RBMS1: variants seen among roughly 807,000 people sequenced by gnomAD.
The protein encoded by RBMS1 is RNA-binding motif, single-stranded-interacting protein 1.
Under a neutral mutation model 62.3 loss-of-function variants are expected in RBMS1, and 17 were observed. That is an observed-to-expected ratio of 0.27 (90% CI 0.19 to 0.41). The LOEUF is 0.41. Among genes scored for constraint, RBMS1 ranks in the 10% least tolerant of loss-of-function variants. RBMS1 has a pLI of 1.00. For synonymous variants in RBMS1, 172 were observed against 170.0 expected (o/e 1.01, Z -0.09); for missense variants, 334 against 504.5 (o/e 0.66, Z 3.24).
intron 1 of RBMS1, among the ~76,000 whole-genome samples, chr2:160,368,962 A>G (rs1693574411): frequency 6.6e-6 from 1 of 151,778 alleles, no homozygotes; most frequent in Non-Finnish European, 1.5e-5. Context: ...ATATGTTACC[A>G]TTTTTTCTGG....
At chr2:160,480,910 C>T (rs1292021233) in intron 1 of RBMS1, among the ~76,000 whole-genome samples, 2 of 151,852 alleles carry the variant, frequency 1.3e-5, no homozygotes, top group Non-Finnish European at 2.9e-5. Flanking sequence ...GAAACCCCAT[C>T]TCTACTAAAA....
intron 1 of RBMS1, among the ~76,000 whole-genome samples, chr2:160,460,393 G>A (rs1372819262): frequency 6.6e-6 from 1 of 152,136 alleles, no homozygotes; most frequent in Non-Finnish European, 1.5e-5. Flanking sequence ...ATTTAATCCT[G>A]GCAACAGCTC....
chr2:160,439,955 T>A (rs547287714), intron 1 of RBMS1, among the ~76,000 whole-genome samples: 4,932 of 151,598 alleles, frequency 0.033, 367 homozygotes, highest in Admixed American at 0.19. Flanking sequence ...CTCGGCAAGC[T>A]GAGGCAGGAG....
chr2:160,472,872 C>G (rs1684976873), intron 1 of RBMS1, among the ~76,000 whole-genome samples: 1 of 152,142 alleles, frequency 6.6e-6, no homozygotes. Context: ...GATAGAATTA[C>G]AAATGAATGT....
intron 2 of RBMS1, among the ~76,000 whole-genome samples, chr2:160,329,254 A>C (rs1192808632): frequency 2.6e-5 from 4 of 152,214 alleles, no homozygotes; most frequent in Non-Finnish European, 4.4e-5. Context: ...ATTTGGGGAT[A>C]GGATATAAAC....
At chr2:160,390,003 G>A (rs941477160) in intron 1 of RBMS1, among the ~76,000 whole-genome samples, 86 of 152,242 alleles carry the variant, frequency 5.6e-4, no homozygotes, top group African/African-American at 2.0e-3. Flanking sequence ...TTACAGAATT[G>A]CAGCTCTGTA....
At chr2:160,390,715 G>T (rs935686038) in intron 1 of RBMS1, among the ~76,000 whole-genome samples, 2 of 144,018 alleles carry the variant, frequency 1.4e-5, no homozygotes, top group African/African-American at 5.1e-5. Flanking sequence ...AAAAAGCAAC[G>T]AGGAACTTTT....
intron 2 of RBMS1, among the ~76,000 whole-genome samples, chr2:160,330,048 T>C (rs1402868920): frequency 1.3e-5 from 2 of 152,302 alleles, no homozygotes; most frequent in East Asian, 3.9e-4. Flanking sequence ...ACCTTAATTT[T>C]AGACTTGTAA....
chr2:160,440,259 G>C (rs1419888662), intron 1 of RBMS1, among the ~76,000 whole-genome samples: 2 of 151,946 alleles, frequency 1.3e-5, no homozygotes, highest in Non-Finnish European at 2.9e-5. Flanking sequence ...TCTCCATTAG[G>C]AAGCCTGACC....
At chr2:160,341,721 G>A (rs1691885128) in intron 2 of RBMS1, among the ~76,000 whole-genome samples, 1 of 152,114 alleles carries the variant, frequency 6.6e-6, no homozygotes, top group Admixed American at 6.6e-5. Flanking sequence ...GCTACCATCT[G>A]TTTTATGTTT....
intron 1 of RBMS1, chr2:160,492,896 C>T: frequency 5.5e-6 from 1 of 183,210 alleles, no homozygotes; most frequent in Non-Finnish European, 1.1e-5. Flanking sequence ...CAGGGCGAGG[C>T]CCTTGGAGAA....
At chr2:160,424,716 A>G (rs891067686) in intron 1 of RBMS1, among the ~76,000 whole-genome samples, 1 of 152,222 alleles carries the variant, frequency 6.6e-6, no homozygotes, top group African/African-American at 2.4e-5. Flanking sequence ...ATTCACTCAC[A>G]AATGACTATA....
At chr2:160,457,511 T>C (rs551025660) in intron 1 of RBMS1, among the ~76,000 whole-genome samples, 3 of 152,370 alleles carry the variant, frequency 2.0e-5, no homozygotes, top group African/African-American at 7.2e-5. Flanking sequence ...TTCTGATTCA[T>C]GTTTCACTGC....
intron 4 of RBMS1, among the ~76,000 whole-genome samples, chr2:160,310,713 TA>T (rs75254194): frequency 0.35 from 53,240 of 151,882 alleles, 9,603 homozygotes; most frequent in East Asian, 0.53. Context: ...GAGTGTGCCC[TA>T]AAAGTCCTGC....
chr2:160,309,189 CTG>C (rs570280105), intron 4 of RBMS1, among the ~76,000 whole-genome samples: 8 of 152,166 alleles, frequency 5.3e-5, no homozygotes, highest in Non-Finnish European at 1.0e-4. Flanking sequence ...ACTGGGGAGA[CTG>C]AGAGTGAGCA....
chr2:160,493,623 A>T lies in RBMS1; in HGVS notation c.-260T>A. On this transcript the variant is annotated 5_prime_UTR_variant, in exon 1 of 14. Transcript: ENST00000348849. ...CAGAAAGAAAGACACTGCAGAGCGCAGAGGGCACCCCGGACAGGGCGCTCC... is the reference window on the plus strand; with the variant it reads ...CAGAAAGAAAGACACTGCAGAGCGCTGAGGGCACCCCGGACAGGGCGCTCC... 1 of 554,124 alleles carries T rather than the reference A, an allele frequency of 1.8e-6. No individual in the cohort carries two copies. Among genetic ancestry groups the T allele is most frequent in the South Asian group, 2.0e-5 (1 of 50,048 alleles). The allele number at this position is 554,124 out of a possible 1,614,324, so 34.3% of individuals were successfully genotyped here.
At chr2:160,407,585 TC>T (rs1695816198) in intron 1 of RBMS1, 1 of 982,002 alleles carries the variant, frequency 1.0e-6, no homozygotes, top group Admixed American at 6.3e-5. Flanking sequence ...CGGGGCAGCC[TC>T]GCCGCGAGGG....
intron 1 of RBMS1, among the ~76,000 whole-genome samples, chr2:160,438,708 C>G (rs1683228998): frequency 6.6e-6 from 1 of 152,246 alleles, no homozygotes; most frequent in South Asian, 2.1e-4. Context: ...TTTTCCCCAC[C>G]TTTCCCCCCT....
chr2:160,356,788 A>T (rs1692825201), intron 2 of RBMS1, among the ~76,000 whole-genome samples: 1 of 152,128 alleles, frequency 6.6e-6, no homozygotes, highest in Non-Finnish European at 1.5e-5. Context: ...GCAGCAGATA[A>T]CAGACTAAGA....
Sources: allele counts gnomAD v4.1 joint callset (sites outside exome capture counted in the v4.1 genomes callset), GRCh38; gene constraint gnomAD v4.1.1; transcripts MANE v1.5; gene names NCBI Gene and HGNC (gene_info 2026-07-23, HGNC 2026-07-21).